Variants in PSMD6 observed in about 807,000 individuals in gnomAD.
The protein encoded by PSMD6 is proteasome 26S subunit, non-ATPase 6.
PSMD6 carries 7 observed loss-of-function variants against 44.9 expected under a neutral mutation model. The observed-to-expected ratio is 0.16, with a 90% confidence interval of 0.09 to 0.29. PSMD6 has a LOEUF of 0.29. Ranked by LOEUF, PSMD6 falls within the 10% of genes least tolerant of loss-of-function variation. The pLI is 1.00. For synonymous variants in PSMD6, 184 were observed against 172.7 expected, an observed-to-expected ratio of 1.07 and a Z score of -0.51; for missense variants, 420 against 482.6, an observed-to-expected ratio of 0.87 and a Z score of 1.21.
intron 5 of PSMD6, chr3:64,014,757 T>A (rs1248629623): frequency 6.6e-6 from 1 of 152,226 alleles, no homozygotes; most frequent in Admixed American, 6.5e-5. Flanking sequence ...ATATGCCTAT[T>A]AAACAGCCAA....
chr3:64,017,621 TACTC>T (rs2076068024), intron 5 of PSMD6: 2 of 152,326 alleles, frequency 1.3e-5, no homozygotes, highest in South Asian at 4.1e-4. Context: ...CCAAGTGAGT[TACTC>T]ATCATGCTCG....
chr3:64,018,599 C>A lies in PSMD6; in HGVS notation c.826G>T (p.Ala276Ser). The A allele has an allele frequency of 1.3e-6, 2 of 1,540,512 alleles. No individual in the cohort carries two copies. The highest frequency in any genetic ancestry group is 1.1e-5 in the South Asian group (1 of 88,786). ...TCAAAAATATCAACCCTATCCTTAC[C>A]TAATGATTGGAAGAAAACAGAGTAA... is the stretch of plus-strand genomic sequence containing the variant. ...CRYSVFFQSL[A>S]VVEQEMKKDW... is the part of the protein sequence containing the mutation. The change falls in exon 5 of 8, where the codon GCG (alanine) becomes TCG (serine). Residue 276 changes from alanine (A) to serine (S), a missense_variant and splice_region_variant. Physicochemically the swap from Ala to Ser is moderately conservative, Grantham distance 99 (BLOSUM62 1). Around this residue, in one of 4 missense-constraint regions of PSMD6, gnomAD observed 216 missense variants for 227.0 expected, o/e 0.95. Coordinates refer to ENST00000295901, the MANE Select transcript of PSMD6 (RefSeq NM_014814.3).
At chr3:64,011,135 A>T (rs2075936868) in intron 6 of PSMD6, 180 bp from the exon 7 acceptor site, 3 of 513,422 alleles carry the variant, frequency 5.8e-6, no homozygotes, top group Admixed American at 7.5e-5. Context: ...GTCATCATCT[A>T]CTAGAATAAA....
At position 64,022,239 on chromosome 3, in the gene PSMD6, T is replaced by C. The variant is rs1421471163; in HGVS notation, c.351+79A>G. ...TTTTCTAAAACGAAGTTAATTTTTT[T>C]AATGAGAAACGATTACCTGGAATAG... On this transcript the variant is annotated intron_variant, in intron 2 of 7. Coordinates refer to ENST00000295901, the MANE Select transcript of PSMD6 (RefSeq NM_014814.3). 6 of 1,474,526 alleles carry C rather than the reference T, an allele frequency of 4.1e-6. No individual in the cohort carries two copies. In the East Asian group the frequency reaches 1.4e-4, roughly 33 times the overall value. The allele number at this position is 1,474,526 out of a possible 1,614,324, so 91.3% of individuals were successfully genotyped here.
chr3:64,011,753 G>T (rs1026758871), intron 6 of PSMD6: 3 of 152,122 alleles, frequency 2.0e-5, no homozygotes, highest in African/African-American at 7.2e-5. Flanking sequence ...GGAATACTGC[G>T]GTGTGTGCCC....
At chr3:64,014,588 C>T (rs1239473428) in intron 5 of PSMD6, 1 of 152,062 alleles carries the variant, frequency 6.6e-6, no homozygotes, top group Non-Finnish European at 1.5e-5. Context: ...AGCAGGAAGA[C>T]AGCAACAGGT....
At chr3:64,017,572 A>T (rs2076065180) in intron 5 of PSMD6, 1 of 152,250 alleles carries the variant, frequency 6.6e-6, no homozygotes. Context: ...TTATATGCAA[A>T]AGCAACATAA....
intron 5 of PSMD6, chr3:64,015,958 C>G (rs1043694205): frequency 6.6e-6 from 1 of 152,042 alleles, no homozygotes; most frequent in African/African-American, 2.4e-5. Flanking sequence ...GAGGCTGAGG[C>G]GGGCGGATCG....
chr3:64,013,567 G>A lies in PSMD6; in HGVS notation c.867C>T (p.Ala289=). ...EQEMKKDWLF[A]PHYRYYVREM... ...CTCTTACATAGTATCGATAATGAGG[G>A]GCAAAAAGCCAGTCCTTTTTCATTT... Residue 289 remains alanine, a synonymous_variant, in exon 6 of 8, where the codon GCC becomes GCT. Transcript: ENST00000295901. The A allele has an allele frequency of 1.2e-6, 2 of 1,610,052 alleles. No homozygotes were observed. Among genetic ancestry groups the A allele is most frequent in the African/African-American group, 1.3e-5 (1 of 74,750 alleles).
intron 2 of PSMD6, among the ~76,000 whole-genome samples, chr3:64,021,811 CAAAAA>C (rs200884987): frequency 9.4e-5 from 9 of 95,910 alleles, no homozygotes; most frequent in Non-Finnish European, 2.1e-4. Context: ...AACTCCGTCT[CAAAAA>C]AAAAAAAAAA....
intron 1 of PSMD6, chr3:64,022,987 T>C: frequency 1.4e-6 from 2 of 1,425,434 alleles, no homozygotes; most frequent in Middle Eastern, 2.6e-4. Context: ...ACGGGGCCTT[T>C]ACTCTGTGCC....
intron 1 of PSMD6, 138 bp from the exon 2 acceptor site, chr3:64,022,661 G>A: frequency 1.3e-6 from 2 of 1,545,012 alleles, no homozygotes; most frequent in Non-Finnish European, 1.7e-6. Flanking sequence ...ATGCGATGGC[G>A]CTTAATAATC....
chr3:64,019,517 T>C, intron 2 of PSMD6, 76 bp from the exon 3 acceptor site: 2 of 1,484,060 alleles, frequency 1.3e-6, no homozygotes, highest in Non-Finnish European at 1.8e-6. Context: ...TCTGGGATTT[T>C]CTTCAAAGGT....
upstream of PSMD6, chr3:64,023,745 G>A (rs1287827933): frequency 6.8e-7 from 1 of 1,479,150 alleles, no homozygotes; most frequent in African/African-American, 1.4e-5. Context: ...TGTAACTGAT[G>A]GGAGCTTAAA....
intron 2 of PSMD6, 126 bp downstream of exon 2, chr3:64,022,192 C>T: frequency 6.6e-6 from 7 of 1,059,654 alleles, no homozygotes; most frequent in Non-Finnish European, 8.2e-6. Context: ...CCAGTACAAG[C>T]AAGCATGATT....
intron 5 of PSMD6, 84 bp downstream of exon 5, chr3:64,018,515 G>A (rs2076082577): frequency 3.0e-6 from 3 of 988,260 alleles, no homozygotes; most frequent in African/African-American, 1.6e-5. Flanking sequence ...TCTCAGATAG[G>A]TGAAAAATCG....
At chr3:64,023,784 A>C, upstream of PSMD6, 3 of 1,471,626 alleles carry the variant, frequency 2.0e-6, no homozygotes, top group Non-Finnish European at 2.8e-6. Flanking sequence ...ATGTAATAAC[A>C]GCATTAATAA....
Position 64,023,459 on chromosome 3 carries a change from T to C in PSMD6, c.-40A>G. On this transcript the variant is annotated 5_prime_UTR_variant, in exon 1 of 8. Transcript: ENST00000295901. ...CAGCGGCTGACAGGACACAACTTGG[T>C]TACGACCGGCTGCGGCAGCGGAAGC... 5 of 1,527,774 alleles carry C rather than the reference T, an allele frequency of 3.3e-6. No homozygotes were observed. The highest frequency in any genetic ancestry group is 1.2e-5 in the South Asian group (1 of 83,582). The allele number at this position is 1,527,774 out of a possible 1,614,324, so 94.6% of individuals were successfully genotyped here.
At chr3:64,013,942 C>G (rs916866730) in intron 5 of PSMD6, 1 of 183,030 alleles carries the variant, frequency 5.5e-6, no homozygotes, top group African/African-American at 2.3e-5. Flanking sequence ...AAGTAAAAAT[C>G]ATTTTTTAAA....
Sources: gnomAD v4.1 joint callset for allele counts (sites outside exome capture counted in the v4.1 genomes callset) on GRCh38, gnomAD v4.1.1 for gene constraint, gnomAD v4.1.1 regional missense constraint, MANE v1.5 for transcripts, NCBI Gene and HGNC (gene_info 2026-07-23, HGNC 2026-07-21) for gene names.